The following SMIM3 variants were observed in gnomAD, a reference collection of about 807,000 sequenced individuals.
SMIM3 encodes small integral membrane protein 3, also known as NGF-induced differentiation clone 67 protein.
In SMIM3, 4 loss-of-function variants were observed where a neutral mutation model predicts 2.1. The observed-to-expected ratio is 1.89, with a 90% confidence interval of 0.93 to 4.31. The LOEUF (loss-of-function observed/expected upper bound fraction) is 4.31, where lower values mean the gene tolerates loss of function less well. Ranked by LOEUF, SMIM3 falls within the 30% of genes most tolerant of loss-of-function variation. The probability of loss-of-function intolerance (pLI) is 0.01; values close to 1 mark genes in which losing one functional copy is unlikely to be tolerated. For missense variants in SMIM3, 79 were observed against 77.7 expected, an observed-to-expected ratio of 1.02 and a Z score of -0.06; for synonymous variants, 29 against 30.8, an observed-to-expected ratio of 0.94 and a Z score of 0.19.
chr5:150,794,766 T>G (rs1221731986), intron 1 of SMIM3, among the ~76,000 whole-genome samples: 1 of 152,226 alleles, frequency 6.6e-6, no homozygotes, highest in African/African-American at 2.4e-5. Context: ...GCACCCTAGG[T>G]CAAAATAAAT....
intron 1 of SMIM3, among the ~76,000 whole-genome samples, chr5:150,785,798 G>T (rs62380613): frequency 6.6e-6 from 1 of 151,972 alleles, no homozygotes; most frequent in Admixed American, 6.6e-5. Flanking sequence ...GGCCAGGCTG[G>T]TCTCAAACTC....
chr5:150,792,927 A>G (rs1258985745), intron 1 of SMIM3, among the ~76,000 whole-genome samples: 1 of 152,210 alleles, frequency 6.6e-6, no homozygotes, highest in Non-Finnish European at 1.5e-5. Flanking sequence ...GGCATTGTCC[A>G]ATATTATTCC....
chr5:150,781,484 C>A (rs1753232098), intron 1 of SMIM3, among the ~76,000 whole-genome samples: 4 of 152,192 alleles, frequency 2.6e-5, no homozygotes, highest in African/African-American at 9.7e-5. Context: ...ACGTCTAAAC[C>A]ATATACTTTA....
chr5:150,781,836 G>T (rs78652279), intron 1 of SMIM3, among the ~76,000 whole-genome samples: 9,481 of 152,240 alleles, frequency 0.062, 421 homozygotes, highest in East Asian at 0.24. Context: ...CTTAGTCACT[G>T]GCAAATAGCA....
rs2278396 is a variant in SMIM3, at chr5:150,795,591, C to T, written c.151C>T (p.Arg51Trp). Residue 51 changes from arginine (R) to tryptophan (W), a missense_variant, in exon 2 of 2, where the codon CGG becomes TGG. Transcript: ENST00000526627. The stretch of plus-strand genomic sequence containing the variant: ...CACTGCAGTAATCATCTATCGCATG[C>T]GGACTCATCCGATCCTTAGTGGGGC... ...PATAVIIYRM[R>W]THPILSGAV 7.6e-3 allele frequency: 11,909 copies of T among 1,568,798 alleles called. 698 individuals are homozygous for T. In the South Asian group the frequency reaches 0.11, roughly 14 times the overall value.
rs1168460585 is a variant in SMIM3 at position 150,778,775 on chromosome 5, C to T, written c.-209C>T. The T allele has an allele frequency of 2.2e-6, 1 of 457,808 alleles. No individual in the cohort carries two copies. Among genetic ancestry groups the T allele is most frequent in the East Asian group, 7.0e-5 (1 of 14,372 alleles). 28.4% of individuals were successfully genotyped at this position (457,808 alleles called of 1,614,324 possible). On this transcript the variant is annotated 5_prime_UTR_variant, in exon 1 of 2. Transcript: ENST00000526627. ...CAGCCGCGCATTCCAGAGCCAGCAG[C>T]GCGTCCTGGCCGCTCCTGCGCTCTC...
rs763149754 is a variant in SMIM3, at chr5:150,795,477, C to G, written c.37C>G (p.Leu13Val). 1 of 1,613,944 alleles carries G rather than the reference C, an allele frequency of 6.2e-7. No homozygotes were observed. The highest frequency in any genetic ancestry group is 1.1e-5 in the South Asian group (1 of 91,076). Residue 13 changes from leucine to valine, a missense_variant, in exon 2 of 2, where the codon CTT becomes GTT. Leu to Val is a conservative substitution (Grantham distance 32, BLOSUM62 1). Coordinates refer to ENST00000526627, the MANE Select transcript of SMIM3 (RefSeq NM_032947.5). ...CAGCCAAGTCCCCATGGAAGTCGTG[C>G]TTCCCAAGCACATCCTGGATATCTG... ...AVSQVPMEVVLPKHILDIWVI... is the reference protein window; with the variant it reads ...AVSQVPMEVVVPKHILDIWVI...
chr5:150,794,512 T>G (rs1047969808), intron 1 of SMIM3, among the ~76,000 whole-genome samples: 2 of 152,192 alleles, frequency 1.3e-5, no homozygotes, highest in Non-Finnish European at 2.9e-5. Context: ...TTAACAGCAT[T>G]TGCAGTGACC....
At chr5:150,791,779 A>G (rs1318980971) in intron 1 of SMIM3, among the ~76,000 whole-genome samples, 2 of 152,160 alleles carry the variant, frequency 1.3e-5, no homozygotes, top group African/African-American at 2.4e-5. Flanking sequence ...CAGAAGTGAG[A>G]TTACTGAGAT....
In SMIM3 at chr5:150,778,825, C is replaced by T; in HGVS notation, c.-159C>T. On this transcript the variant is annotated 5_prime_UTR_variant, in exon 1 of 2. Coordinates refer to ENST00000526627, the MANE Select transcript of SMIM3 (RefSeq NM_032947.5). ...CCCGCCTCCCGGGGCTCGGAGGAGC[C>T]GGGGCACGTTCCAGGAGCTGCCTAG... The T allele has an allele frequency of 2.1e-6, 1 of 475,558 alleles. No individual in the cohort carries two copies. The highest frequency in any genetic ancestry group is 4.3e-6 in the Non-Finnish European group (1 of 230,208). 29.5% of individuals were successfully genotyped at this position (475,558 alleles called of 1,614,324 possible). A position where few individuals can be genotyped will look rare whatever the true frequency, so the allele number is the denominator to read the frequency against.
chr5:150,783,199 C>T (rs974231765), intron 1 of SMIM3, among the ~76,000 whole-genome samples: 1 of 152,170 alleles, frequency 6.6e-6, no homozygotes, highest in East Asian at 1.9e-4. Context: ...GTGGGATCAG[C>T]CCCTGGGACA....
intron 1 of SMIM3, among the ~76,000 whole-genome samples, chr5:150,782,448 C>A (rs570880283): frequency 2.0e-5 from 3 of 152,174 alleles, no homozygotes; most frequent in African/African-American, 4.8e-5. Context: ...GCTCCCCTCA[C>A]CCCTGGTCCC....
intron 1 of SMIM3, among the ~76,000 whole-genome samples, chr5:150,792,063 G>C (rs954799192): frequency 6.6e-6 from 1 of 152,198 alleles, no homozygotes; most frequent in Non-Finnish European, 1.5e-5. Flanking sequence ...AATGCAGAAA[G>C]TAACATCCTT....
chr5:150,791,127 C>G (rs774343874), intron 1 of SMIM3, among the ~76,000 whole-genome samples: 7 of 152,162 alleles, frequency 4.6e-5, no homozygotes, highest in Non-Finnish European at 8.8e-5. Context: ...AAGGTAACCA[C>G]TATTAACACT....
Position 150,795,587 on chromosome 5 carries a change from C to A in SMIM3, c.147C>A (p.Arg49=). 5 of 1,575,580 alleles carry A rather than the reference C, an allele frequency of 3.2e-6. No individual in the cohort carries two copies. Among genetic ancestry groups the A allele is most frequent in the Non-Finnish European group, 4.3e-6 (5 of 1,166,360 alleles). ...CAGCCACTGCAGTAATCATCTATCG[C>A]ATGCGGACTCATCCGATCCTTAGTG... ...LCPATAVIIY[R]MRTHPILSGA... is the part of the protein sequence containing the mutation. The change falls in exon 2 of 2, where the codon CGC becomes CGA. Residue 49 remains arginine, a synonymous_variant. Transcript: ENST00000526627.
In SMIM3 at chr5:150,785,558, G is replaced by A. The variant is rs192205438; in HGVS notation, c.-12+6586G>A. On this transcript the variant is annotated intron_variant, in intron 1 of 1. Transcript: ENST00000526627. ...TATTTCTCTTTATCTTTGGATCTCAGCAGATTTACTATATTTCTTTTCTTT... is the reference window on the plus strand; with the variant it reads ...TATTTCTCTTTATCTTTGGATCTCAACAGATTTACTATATTTCTTTTCTTT... Among the ~76,000 whole-genome samples the A allele has an allele frequency of 4.7e-5, 7 of 148,372 alleles. No homozygotes were observed. In the East Asian group the frequency reaches 1.2e-3, roughly 25 times the overall value.
At chr5:150,789,090 A>G (rs1753322275) in intron 1 of SMIM3, among the ~76,000 whole-genome samples, 1 of 152,222 alleles carries the variant, frequency 6.6e-6, no homozygotes, top group South Asian at 2.1e-4. Flanking sequence ...TGATAGGCAT[A>G]AATTTGTGAC....
At chr5:150,787,578 G>T (rs1330543036) in intron 1 of SMIM3, among the ~76,000 whole-genome samples, 1 of 152,118 alleles carries the variant, frequency 6.6e-6, no homozygotes, top group Non-Finnish European at 1.5e-5. Context: ...GCAGAATCAG[G>T]ATTCCTGAGT....
At chr5:150,792,298 C>G (rs1753356918) in intron 1 of SMIM3, among the ~76,000 whole-genome samples, 1 of 152,240 alleles carries the variant, frequency 6.6e-6, no homozygotes. Context: ...CTTGTGCCCT[C>G]TGGGCAGGGA....
Sources: gnomAD v4.1 joint callset for allele counts (sites outside exome capture counted in the v4.1 genomes callset) on GRCh38, gnomAD v4.1.1 for gene constraint, MANE v1.5 for transcripts, NCBI Gene and HGNC (gene_info 2026-07-23, HGNC 2026-07-21) for gene names.